Variants in AUH observed in about 807,000 individuals in gnomAD.
AUH encodes AU RNA binding methylglutaconyl-CoA hydratase.
Under a neutral mutation model 42.3 loss-of-function variants are expected in AUH, and 29 were observed. That is an observed-to-expected ratio of 0.69 (90% CI 0.51 to 0.93). The LOEUF is 0.93. AUH is among the 40% of genes least tolerant of loss of function. AUH has a pLI of 0.00. For synonymous variants in AUH, 174 were observed against 166.4 expected (o/e 1.05, Z -0.35); for missense variants, 452 against 438.1 (o/e 1.03, Z -0.28).
chr9:91,320,841 C>A (rs932723152), intron 4 of AUH, among the ~76,000 whole-genome samples: 2 of 152,108 alleles, frequency 1.3e-5, no homozygotes, highest in African/African-American at 4.8e-5. Flanking sequence ...TCTATTAAAC[C>A]AAACTTGATA....
chr9:91,361,742 A>G lies in AUH; in HGVS notation c.148T>C (p.Trp50Arg). The G allele has an allele frequency of 1.3e-6, 2 of 1,546,366 alleles. No individual in the cohort carries two copies. Among genetic ancestry groups the G allele is most frequent in the East Asian group, 2.5e-5 (1 of 40,538 alleles). The change falls in exon 1 of 10, where the codon TGG (tryptophan) becomes CGG (arginine). Residue 50 changes from tryptophan (W) to arginine (R), a missense_variant. By Grantham distance (101) the Trp-to-Arg change is moderately radical. Transcript: ENST00000375731. The stretch of plus-strand genomic sequence containing the variant: ...GCCGCAGGTACCCAGCCCTGGGCCC[A>G]GATCGCCGGGCCCGCTCGCCGGCCT... ...LAGRRAGPAIWAQGWVPAAGG... is the reference protein window; with the variant it reads ...LAGRRAGPAIRAQGWVPAAGG...
chr9:91,232,316 T>C (rs1827934641), intron 6 of AUH, among the ~76,000 whole-genome samples: 1 of 151,992 alleles, frequency 6.6e-6, no homozygotes, highest in South Asian at 2.1e-4. Context: ...GATGCTACAG[T>C]GAGCTATGAT....
intron 3 of AUH, among the ~76,000 whole-genome samples, chr9:91,355,543 C>T (rs1340412899): frequency 2.7e-5 from 4 of 150,868 alleles, no homozygotes; most frequent in East Asian, 1.9e-4. Flanking sequence ...CAGAGCAAGA[C>T]TCTATCTCAA....
intron 4 of AUH, among the ~76,000 whole-genome samples, chr9:91,315,860 T>TG (rs1237996129): frequency 6.6e-6 from 1 of 151,972 alleles, no homozygotes; most frequent in East Asian, 1.9e-4. Flanking sequence ...GTAAAGTCTG[T>TG]GTGTGTGTGT....
At chr9:91,341,932 G>A (rs1341849547) in intron 3 of AUH, among the ~76,000 whole-genome samples, 1 of 152,146 alleles carries the variant, frequency 6.6e-6, no homozygotes, top group East Asian at 1.9e-4. Context: ...AACACAAAGA[G>A]AACACTGAGC....
intron 6 of AUH, among the ~76,000 whole-genome samples, chr9:91,290,302 A>C (rs926863694): frequency 6.6e-6 from 1 of 152,140 alleles, no homozygotes; most frequent in Non-Finnish European, 1.5e-5. Flanking sequence ...CTATAGTCCC[A>C]GCTACTCCAG....
At chr9:91,357,480 G>A (rs1324942254) in intron 1 of AUH, 8 of 967,098 alleles carry the variant, frequency 8.3e-6, no homozygotes, top group South Asian at 4.8e-5. Flanking sequence ...TACTGAGTAC[G>A]TACTATAGTG....
chr9:91,287,220 T>C (rs1242320919), intron 6 of AUH, among the ~76,000 whole-genome samples: 1 of 152,070 alleles, frequency 6.6e-6, no homozygotes, highest in East Asian at 1.9e-4. Flanking sequence ...TTGCCAAAAA[T>C]GAATAATCTT....
intron 6 of AUH, among the ~76,000 whole-genome samples, chr9:91,288,592 T>C (rs934447957): frequency 6.6e-6 from 1 of 152,112 alleles, no homozygotes; most frequent in African/African-American, 2.4e-5. Flanking sequence ...ATCAAAAACA[T>C]ATATACACAT....
chr9:91,280,918 G>T (rs943320160), intron 6 of AUH, among the ~76,000 whole-genome samples: 5 of 152,104 alleles, frequency 3.3e-5, no homozygotes, highest in African/African-American at 1.2e-4. Flanking sequence ...TTTCTCCATT[G>T]AATTGCCTGT....
intron 6 of AUH, among the ~76,000 whole-genome samples, chr9:91,270,557 T>G (rs574735630): frequency 1.3e-5 from 2 of 152,290 alleles, no homozygotes; most frequent in African/African-American, 4.8e-5. Context: ...TTAGGTTATA[T>G]TCACACTGTT....
chr9:91,294,679 G>T (rs908999228), intron 6 of AUH: 1 of 455,936 alleles, frequency 2.2e-6, no homozygotes, highest in Non-Finnish European at 4.4e-6. Flanking sequence ...ATCCCTTTAA[G>T]AACATTCATG....
chr9:91,274,165 A>T lies in AUH; in HGVS notation c.655+21856T>A, dbSNP rs77720127. On this transcript the variant is annotated intron_variant, in intron 6 of 9. Transcript: ENST00000375731. ...TATTAGCAGAAACAAATCCAAAAAA[A>T]ATATATAAGCCTATTTTCTGGGTAT... Among the ~76,000 whole-genome samples, 486 of 152,344 alleles carry T rather than the reference A, an allele frequency of 3.2e-3. 4 individuals are homozygous for T. Among genetic ancestry groups the T allele is most frequent in the African/African-American group, 0.011 (447 of 41,584 alleles).
At chr9:91,230,431 T>C (rs1432504309) in intron 6 of AUH, among the ~76,000 whole-genome samples, 10 of 150,900 alleles carry the variant, frequency 6.6e-5, no homozygotes, top group Admixed American at 4.6e-4. Context: ...TTCTCTGTAT[T>C]GGTTATTCTA....
chr9:91,314,326 G>A (rs1185739552), intron 4 of AUH, among the ~76,000 whole-genome samples: 10 of 151,440 alleles, frequency 6.6e-5, no homozygotes, highest in Non-Finnish European at 1.5e-4. Context: ...GAAACATGAC[G>A]AAACAACACA....
rs1832884450 is a variant in AUH at position 91,361,781 on chromosome 9, G to A, written c.109C>T (p.Pro37Ser). The A allele has an allele frequency of 6.5e-7, 1 of 1,543,652 alleles. No individual in the cohort carries two copies. The highest frequency in any genetic ancestry group is 8.7e-7 in the Non-Finnish European group (1 of 1,145,962). The change falls in exon 1 of 10, where the codon CCC (proline) becomes TCC (serine). Residue 37 changes from proline (P) to serine (S), a missense_variant. Physicochemically the swap from Pro to Ser is moderately conservative, Grantham distance 74. Transcript: ENST00000375731. ...GCTCGCCGGCCTGCCAACGAGCCGG[G>A]CAGCCTCAACCCCGGGCAGAGCCAC... is the stretch of plus-strand genomic sequence containing the variant. ...SAWLCPGLRL[P>S]GSLAGRRAGP...
intron 1 of AUH, among the ~76,000 whole-genome samples, chr9:91,357,932 T>C (rs1832555146): frequency 6.6e-6 from 1 of 152,212 alleles, no homozygotes; most frequent in Non-Finnish European, 1.5e-5. Flanking sequence ...TACGTAGGTA[T>C]AAACATATAC....
At chr9:91,228,309 C>A (rs930220420) in intron 6 of AUH, among the ~76,000 whole-genome samples, 12 of 152,072 alleles carry the variant, frequency 7.9e-5, no homozygotes, top group African/African-American at 2.7e-4. Context: ...GGAATTTATC[C>A]ATTTCTTCTA....
At chr9:91,278,844 C>T (rs1218943361) in intron 6 of AUH, among the ~76,000 whole-genome samples, 1 of 152,110 alleles carries the variant, frequency 6.6e-6, no homozygotes, top group Non-Finnish European at 1.5e-5. Flanking sequence ...CTTAGACTGC[C>T]CAACCTAACT....
Sources: allele counts gnomAD v4.1 joint callset (sites outside exome capture counted in the v4.1 genomes callset), GRCh38; gene constraint gnomAD v4.1.1; transcripts MANE v1.5; gene names NCBI Gene and HGNC (gene_info 2026-07-23, HGNC 2026-07-21).